Variants in NRXN1 observed in about 807,000 individuals in gnomAD.
The protein encoded by NRXN1 is neurexin 1.
In NRXN1, 39 loss-of-function variants were observed where a neutral mutation model predicts 150.9. The observed-to-expected ratio is 0.26, with a 90% CI of 0.20 to 0.34. The LOEUF (loss-of-function observed/expected upper bound fraction) is 0.34, where lower values mean the gene tolerates loss of function less well. Among genes scored for constraint, NRXN1 ranks in the 10% least tolerant of loss-of-function variants. The pLI is 1.00. For missense variants in NRXN1, 1,815 were observed against 1,949.9 expected (o/e 0.93, Z 1.30); for synonymous variants, 924 against 757.0 (o/e 1.22, Z -3.62).
chr2:50,413,701 A>T (rs2083345047), intron 17 of NRXN1, among the ~76,000 whole-genome samples: 1 of 152,148 alleles, frequency 6.6e-6, no homozygotes, highest in African/African-American at 2.4e-5. Flanking sequence ...AAAGAAAGGA[A>T]ATCAGTATAT....
At chr2:50,576,889 T>C (rs1037050526) in intron 8 of NRXN1, among the ~76,000 whole-genome samples, 3 of 152,124 alleles carry the variant, frequency 2.0e-5, no homozygotes, top group African/African-American at 7.2e-5. Flanking sequence ...TGTGGTTAAG[T>C]AGCTCTTCTT....
At chr2:50,140,667 C>T (rs1401860592) in intron 18 of NRXN1, among the ~76,000 whole-genome samples, 2 of 145,454 alleles carry the variant, frequency 1.4e-5, no homozygotes, top group East Asian at 4.5e-4. Context: ...TTTTTTCTCT[C>T]TCTTTTTTTT....
intron 5 of NRXN1, among the ~76,000 whole-genome samples, chr2:50,629,554 C>T (rs1298960716): frequency 6.6e-6 from 1 of 151,364 alleles, no homozygotes; most frequent in Non-Finnish European, 1.5e-5. Flanking sequence ...GTGTGCTAAG[C>T]GTGTGAAAAA....
At chr2:50,136,442 T>A (rs151214432) in intron 18 of NRXN1, among the ~76,000 whole-genome samples, 2,462 of 152,256 alleles carry the variant, frequency 0.016, 59 homozygotes, top group Non-Finnish European at 0.024. Flanking sequence ...CTAGGATATA[T>A]CTTAATTTTG....
intron 5 of NRXN1, among the ~76,000 whole-genome samples, chr2:50,787,243 G>A (rs778185850): frequency 2.6e-5 from 4 of 151,912 alleles, no homozygotes; most frequent in Non-Finnish European, 5.9e-5. Context: ...TCTCTCTGAT[G>A]GGTCTCTGGC....
chr2:50,791,969 C>T (rs1042822216), intron 5 of NRXN1, among the ~76,000 whole-genome samples: 1 of 152,096 alleles, frequency 6.6e-6, no homozygotes, highest in Non-Finnish European at 1.5e-5. Flanking sequence ...ACATACATCA[C>T]AACTGAGATG....
chr2:50,692,645 T>C (rs1692236713), intron 5 of NRXN1, among the ~76,000 whole-genome samples: 1 of 152,188 alleles, frequency 6.6e-6, no homozygotes, highest in African/African-American at 2.4e-5. Flanking sequence ...TGTAATCTCG[T>C]TAGATTTGCC....
At chr2:50,582,787 T>A (rs1672490779) in intron 8 of NRXN1, among the ~76,000 whole-genome samples, 1 of 152,158 alleles carries the variant, frequency 6.6e-6, no homozygotes, top group Non-Finnish European at 1.5e-5. Flanking sequence ...TGGCTTCCAG[T>A]TCCCCCGCTG....
intron 5 of NRXN1, among the ~76,000 whole-genome samples, chr2:50,833,188 G>A (rs141591205): frequency 2.2e-4 from 33 of 152,244 alleles, no homozygotes; most frequent in African/African-American, 6.7e-4. Context: ...ACCAAGTCCC[G>A]ACAAAGATGT....
intron 2 of NRXN1, among the ~76,000 whole-genome samples, chr2:50,943,601 C>G (rs1397956850): frequency 6.6e-5 from 10 of 152,126 alleles, no homozygotes; most frequent in Non-Finnish European, 7.3e-5. Context: ...CTGTTCACAT[C>G]TAGAACTGTG....
At chr2:50,451,215 C>T (rs1036735724) in intron 17 of NRXN1, among the ~76,000 whole-genome samples, 1 of 152,162 alleles carries the variant, frequency 6.6e-6, no homozygotes, top group African/African-American at 2.4e-5. Flanking sequence ...GCGATCTGCC[C>T]AGTTTGGCCT....
At chr2:50,624,577 T>C (rs1301888740) in intron 5 of NRXN1, among the ~76,000 whole-genome samples, 1 of 152,042 alleles carries the variant, frequency 6.6e-6, no homozygotes, top group Non-Finnish European at 1.5e-5. Flanking sequence ...AGATAGAATC[T>C]GGTCTGGGAG....
chr2:50,655,030 G>A (rs1686214686), intron 5 of NRXN1, among the ~76,000 whole-genome samples: 1 of 152,054 alleles, frequency 6.6e-6, no homozygotes, highest in Admixed American at 6.6e-5. Flanking sequence ...GAGAAAACAT[G>A]TCAGATCTTG....
chr2:50,139,178 T>C (rs1706867515), intron 18 of NRXN1, among the ~76,000 whole-genome samples: 1 of 151,874 alleles, frequency 6.6e-6, no homozygotes, highest in African/African-American at 2.4e-5. Flanking sequence ...ATACAAAAAT[T>C]AGCCGGGCGT....
chr2:50,342,879 C>T (rs1157622506), intron 17 of NRXN1, among the ~76,000 whole-genome samples: 2 of 152,162 alleles, frequency 1.3e-5, no homozygotes, highest in Non-Finnish European at 2.9e-5. Context: ...GTCTTTTGGC[C>T]CATTTATGGT....
chr2:49,943,316 T>C (rs2104376728), intron 22 of NRXN1, among the ~76,000 whole-genome samples: 1 of 152,288 alleles, frequency 6.6e-6, no homozygotes, highest in South Asian at 2.1e-4. Flanking sequence ...TGGGGACTTT[T>C]TGTCAGTAGA....
Position 50,785,029 on chromosome 2 carries a change from T to C in NRXN1, c.832+136840A>G, listed in dbSNP as rs541351347. Among the ~76,000 whole-genome samples, 538 of 152,138 alleles carry C rather than the reference T, an allele frequency of 3.5e-3. 4 individuals are homozygous for C. Among genetic ancestry groups the C allele is most frequent in the African/African-American group, 0.012 (484 of 41,526 alleles). ...TTGTAATTAGAGTTAAATGAGGTTA[T>C]AATTATGACACCCTAATCCCACAGA... On this transcript the variant is annotated intron_variant, in intron 5 of 22. Transcript: ENST00000401669.
chr2:50,902,173 C>T (rs534407782), intron 5 of NRXN1, among the ~76,000 whole-genome samples: 1 of 152,198 alleles, frequency 6.6e-6, no homozygotes, highest in African/African-American at 2.4e-5. Context: ...CATTAATTCA[C>T]TCATCAGCAT....
intron 18 of NRXN1, among the ~76,000 whole-genome samples, chr2:50,160,659 C>CA (rs1346324972): frequency 5.3e-5 from 8 of 151,918 alleles, no homozygotes; most frequent in African/African-American, 1.7e-4. Context: ...AAAGATTGCT[C>CA]AAAAAAAGAC....
Sources: gnomAD v4.1 joint callset for allele counts (sites outside exome capture counted in the v4.1 genomes callset) on GRCh38, gnomAD v4.1.1 for gene constraint, MANE v1.5 for transcripts, NCBI Gene and HGNC (gene_info 2026-07-23, HGNC 2026-07-21) for gene names.